The following CABLES1 variants were observed in gnomAD, a reference collection of about 807,000 sequenced individuals.
The protein encoded by CABLES1 is Cdk5 and Abl enzyme substrate 1.
In CABLES1, 36 loss-of-function variants were observed where a neutral mutation model predicts 57.8. The observed-to-expected ratio is 0.62, with a 90% CI of 0.48 to 0.82. The LOEUF is 0.82. CABLES1 is among the 40% of genes least tolerant of loss of function. CABLES1 has a pLI of 0.00. For missense variants in CABLES1, 767 were observed against 836.6 expected (o/e 0.92, Z 1.03); for synonymous variants, 374 against 363.0 (o/e 1.03, Z -0.35).
At chr18:23,230,876 A>C (rs935127198) in intron 4 of CABLES1, among the ~76,000 whole-genome samples, 1 of 152,124 alleles carries the variant, frequency 6.6e-6, no homozygotes, top group Non-Finnish European at 1.5e-5. Flanking sequence ...CACTGCCAAA[A>C]CTGTCACACC....
At chr18:23,167,980 A>C (rs1020973660) in intron 1 of CABLES1, among the ~76,000 whole-genome samples, 9 of 152,218 alleles carry the variant, frequency 5.9e-5, no homozygotes, top group Non-Finnish European at 1.3e-4. Flanking sequence ...ACGGCTCTCA[A>C]GGTGATGCCA....
At chr18:23,182,723 C>T (rs959374077) in intron 1 of CABLES1, among the ~76,000 whole-genome samples, 5 of 152,224 alleles carry the variant, frequency 3.3e-5, no homozygotes, top group African/African-American at 1.2e-4. Context: ...ACTCTCGGGC[C>T]AGAGCTTTCC....
intron 4 of CABLES1, among the ~76,000 whole-genome samples, chr18:23,232,895 A>G (rs1283836465): frequency 6.6e-6 from 1 of 151,678 alleles, no homozygotes; most frequent in African/African-American, 2.4e-5. Flanking sequence ...ATATTGGAGG[A>G]TAGCTTTTTT....
intron 9 of CABLES1, among the ~76,000 whole-genome samples, chr18:23,255,987 C>T (rs959635171): frequency 2.0e-5 from 3 of 152,202 alleles, no homozygotes; most frequent in African/African-American, 7.2e-5. Flanking sequence ...GTGCCTCTAT[C>T]ACCTGAACTA....
chr18:23,157,804 CA>C (rs2046975672), intron 1 of CABLES1, among the ~76,000 whole-genome samples: 1 of 151,984 alleles, frequency 6.6e-6, no homozygotes, highest in Admixed American at 6.6e-5. Context: ...ACCTGGGCAA[CA>C]GAGCGAGACC....
intron 7 of CABLES1, among the ~76,000 whole-genome samples, chr18:23,243,468 G>GTTTTTTTTTTTTT (rs551293348): frequency 2.0e-5 from 2 of 101,878 alleles, no homozygotes; most frequent in African/African-American, 3.6e-5. Context: ...TGGGTTTGGT[G>GTTTTTTTTTTTTT]TTTTTTTTTT....
chr18:23,245,705 C>A (rs1298881199), intron 7 of CABLES1, among the ~76,000 whole-genome samples: 1 of 152,244 alleles, frequency 6.6e-6, no homozygotes, highest in Non-Finnish European at 1.5e-5. Flanking sequence ...CTCTGGACAT[C>A]TGTGTTGTGG....
intron 3 of CABLES1, among the ~76,000 whole-genome samples, chr18:23,206,173 G>A (rs531001749): frequency 1.4e-4 from 21 of 151,938 alleles, no homozygotes; most frequent in African/African-American, 2.7e-4. Flanking sequence ...CTCCCGCCCC[G>A]TCCCAGACCC....
chr18:23,157,027 G>T (rs1473042486), intron 1 of CABLES1, among the ~76,000 whole-genome samples: 1 of 152,130 alleles, frequency 6.6e-6, no homozygotes, highest in African/African-American at 2.4e-5. Flanking sequence ...TTGCCACTTT[G>T]TACACACTCA....
intron 1 of CABLES1, among the ~76,000 whole-genome samples, chr18:23,184,763 G>T (rs897449549): frequency 6.6e-6 from 1 of 152,136 alleles, no homozygotes. Context: ...TGAAGGCTAG[G>T]TCACTATCTG....
chr18:23,159,360 G>T (rs2046987175), intron 1 of CABLES1, among the ~76,000 whole-genome samples: 1 of 152,200 alleles, frequency 6.6e-6, no homozygotes, highest in Admixed American at 6.5e-5. Flanking sequence ...GAGTTCCTAT[G>T]AGTATTTGCC....
rs1488466842 is a variant in CABLES1 at position 23,135,580 on chromosome 18, G to GC, written c.-178dup. 4.5e-6 allele frequency: 1 copy of GC among 222,598 alleles called. No homozygotes were observed. The highest frequency in any genetic ancestry group is 7.5e-6 in the Non-Finnish European group (1 of 133,550). The allele number at this position is 222,598 out of a possible 1,614,324, so 13.8% of individuals were successfully genotyped here. ...CGTGCGCGTGGGCCGGGGCGGCGGCGCCCCCATCCCCAGCACCGAGGGGCG... is the reference window on the plus strand; with the variant it reads ...CGTGCGCGTGGGCCGGGGCGGCGGCGCCCCCCATCCCCAGCACCGAGGGGCG... On this transcript the variant is annotated 5_prime_UTR_variant, in exon 1 of 10. Transcript: ENST00000256925.
chr18:23,175,823 T>C (rs944980341), intron 1 of CABLES1, among the ~76,000 whole-genome samples: 1 of 152,208 alleles, frequency 6.6e-6, no homozygotes, highest in East Asian at 1.9e-4. Context: ...ACTTAAGGAT[T>C]TATTGAGCAC....
intron 3 of CABLES1, among the ~76,000 whole-genome samples, chr18:23,195,716 A>C (rs570902546): frequency 6.6e-6 from 1 of 152,322 alleles, no homozygotes; most frequent in African/African-American, 2.4e-5. Context: ...TTTAGTTTAA[A>C]TTTACCAAGT....
intron 1 of CABLES1, chr18:23,149,890 C>G (rs1274823232): frequency 6.6e-6 from 1 of 152,252 alleles, no homozygotes; most frequent in African/African-American, 2.4e-5. Context: ...AAGATGTGAA[C>G]AGTGTCTAGT....
intron 8 of CABLES1, 25 bp downstream of exon 8, chr18:23,253,091 G>T (rs2048078982): frequency 5.9e-6 from 8 of 1,359,170 alleles, no homozygotes; most frequent in Non-Finnish European, 8.4e-6. Flanking sequence ...ACTTGCCTGT[G>T]ACCTTTCCCT....
rs116790662 is a variant in CABLES1 at position 23,227,309 on chromosome 18, G to A, written c.1089-7299G>A. On this transcript the variant is annotated intron_variant, in intron 4 of 9. Coordinates refer to ENST00000256925, the MANE Select transcript of CABLES1 (RefSeq NM_001100619.3). The stretch of plus-strand genomic sequence containing the variant: ...GGAAAATTACACATTCACAAATTGT[G>A]TTTCTTTCCTCACACCAAGCATATT... 3.9e-3 allele frequency among the ~76,000 whole-genome samples: 600 copies of A among 152,232 alleles called. 5 individuals carry two copies. Among genetic ancestry groups the A allele is most frequent in the African/African-American group, 0.014 (562 of 41,520 alleles).
rs146653797 is a variant in CABLES1 at position 23,207,800 on chromosome 18, G to A, written c.1011-6177G>A. On this transcript the variant is annotated intron_variant, in intron 3 of 9. Transcript: ENST00000256925. Reference sequence around the variant, plus strand: ...GCCTCCTTAGCAGGTGGGGAGGCCTGCCTGCAGTATGTCCTGTGGTAGCAG... The same window carrying A: ...GCCTCCTTAGCAGGTGGGGAGGCCTACCTGCAGTATGTCCTGTGGTAGCAG... Among the ~76,000 whole-genome samples the A allele has an allele frequency of 1.5e-3, 231 of 152,302 alleles. 3 individuals are homozygous for A. In the East Asian group the frequency reaches 0.041, roughly 27 times the overall value.
At chr18:23,140,672 A>G (rs1461964021) in intron 1 of CABLES1, among the ~76,000 whole-genome samples, 1 of 152,176 alleles carries the variant, frequency 6.6e-6, no homozygotes, top group Admixed American at 6.5e-5. Flanking sequence ...TCCTGACCTC[A>G]GGTGATCCAC....
Sources: allele counts gnomAD v4.1 joint callset (sites outside exome capture counted in the v4.1 genomes callset), GRCh38; gene constraint gnomAD v4.1.1; transcripts MANE v1.5; gene names NCBI Gene and HGNC (gene_info 2026-07-23, HGNC 2026-07-21).